DLG2: variants seen among roughly 807,000 people sequenced by gnomAD.
DLG2 encodes disks large homolog 2.
A neutral mutation model predicts 132.5 loss-of-function variants in DLG2; 45 were observed. The ratio of observed to expected loss-of-function variants is 0.34; its 90% confidence interval spans 0.27 to 0.44. The LOEUF (loss-of-function observed/expected upper bound fraction) is 0.44. Ranked by LOEUF, DLG2 falls within the 20% of genes least tolerant of loss-of-function variation. DLG2 has a pLI of 1.00. For missense variants in DLG2, 1,045 were observed against 1,196.9 expected (o/e 0.87, Z 1.87); for synonymous variants, 424 against 419.6 (o/e 1.01, Z -0.13).
intron 3 of DLG2, among the ~76,000 whole-genome samples, chr11:85,495,812 T>C (rs1248646894): frequency 1.3e-5 from 2 of 152,148 alleles, no homozygotes; most frequent in African/African-American, 4.8e-5. Context: ...AATCATTCTA[T>C]TATAAAGACA....
intron 18 of DLG2, among the ~76,000 whole-genome samples, chr11:83,665,811 C>T (rs574077982): frequency 4.6e-5 from 7 of 151,512 alleles, no homozygotes; most frequent in East Asian, 3.9e-4. Flanking sequence ...TTTTAGAGAA[C>T]GGGGAATGCG....
chr11:83,647,012 C>T (rs1333111908), intron 18 of DLG2: 1 of 152,086 alleles, frequency 6.6e-6, no homozygotes. Flanking sequence ...AGGATGTTCT[C>T]AGGTGTCTGG....
In DLG2 at chr11:85,527,714, T is replaced by C. The variant is rs558509995; in HGVS notation, c.40+70943A>G. 4.6e-5 allele frequency among the ~76,000 whole-genome samples: 7 copies of C among 152,356 alleles called. No individual in the cohort carries two copies. In the South Asian group the frequency reaches 1.5e-3, roughly 32 times the overall value. On this transcript the variant is annotated intron_variant, in intron 3 of 27. Coordinates refer to ENST00000376104, the MANE Select transcript of DLG2 (RefSeq NM_001142699.3). Reference sequence around the variant, plus strand: ...TATAATCCTTTGGGTATATACCCATTAATGGGATTGCTGGGTCAAATGACA... The same window carrying C: ...TATAATCCTTTGGGTATATACCCATCAATGGGATTGCTGGGTCAAATGACA...
chr11:84,235,250 C>G (rs2154338908), intron 8 of DLG2, among the ~76,000 whole-genome samples: 1 of 152,286 alleles, frequency 6.6e-6, no homozygotes, highest in South Asian at 2.1e-4. Context: ...TCTTATGTCT[C>G]CATAAAATGT....
intron 6 of DLG2, among the ~76,000 whole-genome samples, chr11:84,849,827 C>T (rs529665885): frequency 2.9e-4 from 44 of 152,162 alleles, no homozygotes; most frequent in African/African-American, 1.0e-3. Context: ...CATTATCTAT[C>T]TTTTTCACTG....
intron 7 of DLG2, among the ~76,000 whole-genome samples, chr11:84,462,942 GTAAGAGCTA>G (rs2099084412): frequency 6.6e-6 from 1 of 151,210 alleles, no homozygotes; most frequent in South Asian, 2.1e-4. Context: ...TTTTAACAAC[GTAAGAGCTA>G]GCTTTCGGAA....
At chr11:83,587,413 G>A (rs190236339) in intron 19 of DLG2, among the ~76,000 whole-genome samples, 1 of 152,130 alleles carries the variant, frequency 6.6e-6, no homozygotes, top group Admixed American at 6.5e-5. Context: ...GGGACCACAG[G>A]TGCATACCAC....
intron 6 of DLG2, among the ~76,000 whole-genome samples, chr11:84,763,664 T>C (rs1032107014): frequency 2.6e-5 from 4 of 152,128 alleles, no homozygotes; most frequent in African/African-American, 4.8e-5. Flanking sequence ...AACTTCTCAA[T>C]TGGCTCCTCC....
intron 4 of DLG2, among the ~76,000 whole-genome samples, chr11:85,177,439 A>G (rs1455847612): frequency 6.6e-6 from 1 of 152,092 alleles, no homozygotes; most frequent in Non-Finnish European, 1.5e-5. Context: ...CAAATACCAC[A>G]TGTTCTCACT....
chr11:84,658,496 C>T (rs1415744002), intron 6 of DLG2, among the ~76,000 whole-genome samples: 1 of 152,072 alleles, frequency 6.6e-6, no homozygotes, highest in African/African-American at 2.4e-5. Flanking sequence ...GGTTTGAATG[C>T]TTGTCCCCTC....
intron 7 of DLG2, among the ~76,000 whole-genome samples, chr11:84,267,706 T>C (rs1251270181): frequency 1.3e-5 from 2 of 152,104 alleles, no homozygotes; most frequent in Non-Finnish European, 2.9e-5. Context: ...CTCATTTCTC[T>C]GTGTCTTTCT....
At chr11:84,790,289 T>C (rs2153937202) in intron 6 of DLG2, among the ~76,000 whole-genome samples, 1 of 152,334 alleles carries the variant, frequency 6.6e-6, no homozygotes, top group Admixed American at 6.5e-5. Flanking sequence ...TTAACTGGGG[T>C]GAGATGATAT....
intron 7 of DLG2, among the ~76,000 whole-genome samples, chr11:84,401,907 G>A (rs572011193): frequency 2.6e-5 from 4 of 152,274 alleles, no homozygotes; most frequent in Admixed American, 6.5e-5. Context: ...TTATTTGCAC[G>A]TTTGACATGT....
chr11:85,118,295 T>G (rs1236622563), intron 5 of DLG2, among the ~76,000 whole-genome samples: 1 of 151,922 alleles, frequency 6.6e-6, no homozygotes, highest in Non-Finnish European at 1.5e-5. Flanking sequence ...AGAACAAGCG[T>G]TTTTCAGTGG....
chr11:84,175,235 C>G (rs2095927849), intron 8 of DLG2, among the ~76,000 whole-genome samples: 1 of 152,110 alleles, frequency 6.6e-6, no homozygotes. Flanking sequence ...TGTGGTCTTC[C>G]TCTTGCCAGC....
chr11:84,725,201 C>T (rs554973265), intron 6 of DLG2, among the ~76,000 whole-genome samples: 1 of 152,248 alleles, frequency 6.6e-6, no homozygotes, highest in Admixed American at 6.5e-5. Flanking sequence ...CCAGCTATCA[C>T]TAATAGCTAA....
intron 7 of DLG2, among the ~76,000 whole-genome samples, chr11:84,337,244 A>C (rs752484103): frequency 1.2e-4 from 18 of 152,144 alleles, no homozygotes; most frequent in Non-Finnish European, 2.4e-4. Context: ...ACTTCTTAAC[A>C]CAGCTAATAA....
chr11:84,553,978 T>C (rs1054822725), intron 6 of DLG2, among the ~76,000 whole-genome samples: 2 of 152,218 alleles, frequency 1.3e-5, no homozygotes, highest in Non-Finnish European at 2.9e-5. Context: ...CTTTCACTTC[T>C]AGAGACTTGG....
intron 3 of DLG2, among the ~76,000 whole-genome samples, chr11:85,565,379 C>T (rs2840343): frequency 0.28 from 42,357 of 151,794 alleles, 6,827 homozygotes; most frequent in African/African-American, 0.43. Context: ...AAATTCATCA[C>T]TGTAATCATT....
Sources: allele counts gnomAD v4.1 joint callset (sites outside exome capture counted in the v4.1 genomes callset), GRCh38; gene constraint gnomAD v4.1.1; transcripts MANE v1.5; gene names NCBI Gene and HGNC (gene_info 2026-07-23, HGNC 2026-07-21).